The following RFX8 variants were observed in gnomAD, a reference collection of about 807,000 sequenced individuals.
RFX8 encodes the protein DNA-binding protein RFX8.
RFX8 carries 46 observed loss-of-function variants against 54.6 expected under a neutral mutation model. That is an observed-to-expected ratio of 0.84 (90% CI 0.67 to 1.08). The LOEUF is 1.08. RFX8 is among the 50% of genes least tolerant of loss of function. The pLI is 0.00. For synonymous variants in RFX8, 192 were observed against 209.5 expected (o/e 0.92, Z 0.72); for missense variants, 536 against 562.3 (o/e 0.95, Z 0.47).
intron 2 of RFX8, among the ~76,000 whole-genome samples, chr2:101,424,549 T>C (rs549457202): frequency 2.0e-4 from 30 of 152,312 alleles, no homozygotes; most frequent in African/African-American, 6.7e-4. Context: ...ATCATGCTGC[T>C]ATAAAGACAC....
chr2:101,443,600 C>A (rs929493344), intron 2 of RFX8, among the ~76,000 whole-genome samples: 1 of 152,008 alleles, frequency 6.6e-6, no homozygotes, highest in Non-Finnish European at 1.5e-5. Flanking sequence ...GCTCTGAAAG[C>A]GGGAAAGAAG....
At chr2:101,447,624 T>C (rs1324209638) in intron 2 of RFX8, among the ~76,000 whole-genome samples, 1 of 152,248 alleles carries the variant, frequency 6.6e-6, no homozygotes, top group Admixed American at 6.5e-5. Flanking sequence ...TTTCAAATCT[T>C]CTAGATATTT....
intron 11 of RFX8, among the ~76,000 whole-genome samples, chr2:101,399,625 C>T (rs530594508): frequency 1.8e-4 from 28 of 152,286 alleles, no homozygotes; most frequent in Admixed American, 1.4e-3. Flanking sequence ...GAAATAATAA[C>T]GATGACCAGT....
intron 2 of RFX8, among the ~76,000 whole-genome samples, chr2:101,427,683 C>CT (rs1366562435): frequency 6.6e-6 from 1 of 152,190 alleles, no homozygotes. Context: ...TCTAATCACT[C>CT]TTGCCTCCCA....
chr2:101,442,879 G>C (rs1176604048), intron 2 of RFX8, among the ~76,000 whole-genome samples: 1 of 152,108 alleles, frequency 6.6e-6, no homozygotes. Flanking sequence ...GGGAGCGGAA[G>C]AGTGTCAGTC....
intron 2 of RFX8, among the ~76,000 whole-genome samples, chr2:101,446,663 T>A (rs1167625478): frequency 1.3e-5 from 2 of 152,120 alleles, no homozygotes; most frequent in Non-Finnish European, 2.9e-5. Flanking sequence ...CCTCTCTCTG[T>A]GACATCGGAA....
chr2:101,436,644 A>C lies in RFX8; in HGVS notation c.73-14172T>G, dbSNP rs551568238. On this transcript the variant is annotated intron_variant, in intron 2 of 11. Transcript: ENST00000428343. The stretch of plus-strand genomic sequence containing the variant: ...GGCATAAAACATTGGGGAAAGACCA[A>C]CATACTCATCATAGGTTTGCTAGAG... 2.6e-5 allele frequency among the ~76,000 whole-genome samples: 4 copies of C among 152,320 alleles called. No homozygotes were observed. The East Asian group carries it at 7.7e-4, about 29-fold the overall frequency.
At chr2:101,436,900 T>C (rs1407524725) in intron 2 of RFX8, among the ~76,000 whole-genome samples, 3 of 152,034 alleles carry the variant, frequency 2.0e-5, no homozygotes, top group Non-Finnish European at 1.5e-5. Context: ...TGTGCACAGA[T>C]GAAAATGCCA....
intron 2 of RFX8, among the ~76,000 whole-genome samples, chr2:101,431,665 C>T (rs1399012543): frequency 1.3e-5 from 2 of 152,198 alleles, no homozygotes; most frequent in East Asian, 3.8e-4. Flanking sequence ...TCTCCCTCCA[C>T]CCTGACTCTG....
chr2:101,397,848 G>T, intron 11 of RFX8, 124 bp from the exon 12 acceptor site: 1 of 726,802 alleles, frequency 1.4e-6, no homozygotes, highest in Non-Finnish European at 2.1e-6. Flanking sequence ...TAAAGGAGAA[G>T]TTCATGCATT....
At chr2:101,398,653 C>T (rs1272195342) in intron 11 of RFX8, among the ~76,000 whole-genome samples, 3 of 152,198 alleles carry the variant, frequency 2.0e-5, no homozygotes, top group African/African-American at 7.2e-5. Context: ...TGAAGCTCTC[C>T]TCAGCCACTT....
At chr2:101,445,246 T>G (rs1372286476) in intron 2 of RFX8, among the ~76,000 whole-genome samples, 3 of 152,170 alleles carry the variant, frequency 2.0e-5, no homozygotes, top group Non-Finnish European at 4.4e-5. Flanking sequence ...AATCTCTGCC[T>G]CAGGCCTTTT....
chr2:101,406,510 G>A (rs182413245), intron 9 of RFX8, among the ~76,000 whole-genome samples: 1 of 151,282 alleles, frequency 6.6e-6, no homozygotes, highest in Non-Finnish European at 1.5e-5. Flanking sequence ...TTAATTTTGG[G>A]GGGGAGGGTG....
intron 6 of RFX8, among the ~76,000 whole-genome samples, chr2:101,415,586 G>A (rs1384679061): frequency 6.6e-6 from 1 of 151,120 alleles, no homozygotes; most frequent in Non-Finnish European, 1.5e-5. Context: ...AGGATGAAAA[G>A]GGAACGCATA....
intron 2 of RFX8, among the ~76,000 whole-genome samples, chr2:101,461,253 A>C (rs1689257893): frequency 9.7e-6 from 1 of 103,364 alleles, no homozygotes; most frequent in Non-Finnish European, 1.9e-5. Context: ...ACAGAGTGAG[A>C]CTCCATCTCA....
chr2:101,465,413 G>A (rs562647570), intron 2 of RFX8, among the ~76,000 whole-genome samples: 1 of 152,316 alleles, frequency 6.6e-6, no homozygotes, highest in African/African-American at 2.4e-5. Context: ...GGGAGACTGA[G>A]GCACGGGAAT....
chr2:101,425,510 T>A (rs944137397), intron 2 of RFX8, among the ~76,000 whole-genome samples: 1 of 152,294 alleles, frequency 6.6e-6, no homozygotes, highest in South Asian at 2.1e-4. Context: ...ACAACACAGT[T>A]TCGCCTGTTC....
chr2:101,445,342 C>G (rs1688311778), intron 2 of RFX8, among the ~76,000 whole-genome samples: 1 of 152,126 alleles, frequency 6.6e-6, no homozygotes, highest in Non-Finnish European at 1.5e-5. Context: ...GGTGTTGTCT[C>G]AGGGAGGCCT....
chr2:101,457,436 T>A (rs1255874017), intron 2 of RFX8, among the ~76,000 whole-genome samples: 1 of 152,228 alleles, frequency 6.6e-6, no homozygotes, highest in Non-Finnish European at 1.5e-5. Flanking sequence ...AAAAAGAACA[T>A]CTCTATTTCT....
Sources: allele counts gnomAD v4.1 joint callset (sites outside exome capture counted in the v4.1 genomes callset), GRCh38; gene constraint gnomAD v4.1.1; transcripts MANE v1.5; gene names NCBI Gene and HGNC (gene_info 2026-07-23, HGNC 2026-07-21).